Variants in SEC63 observed in about 807,000 individuals in gnomAD.
SEC63 encodes translocation protein SEC63 homolog.
In SEC63, 56 loss-of-function variants were observed where a neutral mutation model predicts 116.2. That is an observed-to-expected ratio of 0.48 (90% CI 0.39 to 0.60). The LOEUF (loss-of-function observed/expected upper bound fraction) is 0.60. Among genes scored for constraint, SEC63 ranks in the 20% least tolerant of loss-of-function variants. The pLI is 0.00. For synonymous variants in SEC63, 273 were observed against 294.6 expected, an observed-to-expected ratio of 0.93 and a Z score of 0.75; for missense variants, 668 against 900.0, an observed-to-expected ratio of 0.74 and a Z score of 3.30.
chr6:107,934,249 C>T lies in SEC63; in HGVS notation c.125-4735G>A, dbSNP rs576950459. On this transcript the variant is annotated intron_variant, in intron 1 of 20. Transcript: ENST00000369002. Reference sequence around the variant, plus strand: ...CTGGAAAGTGAGGAGCGCCTCTTCCCAGCCGCCATCCCGTCTAGGAAGTGA... The same window carrying T: ...CTGGAAAGTGAGGAGCGCCTCTTCCTAGCCGCCATCCCGTCTAGGAAGTGA... Among the ~76,000 whole-genome samples the T allele has an allele frequency of 1.5e-3, 234 of 151,646 alleles. 1 individual carries two copies. Among genetic ancestry groups the T allele is most frequent in the African/African-American group, 5.5e-3 (227 of 41,332 alleles).
At chr6:107,890,076 T>G (rs761034176) in intron 16 of SEC63, among the ~76,000 whole-genome samples, 1 of 152,026 alleles carries the variant, frequency 6.6e-6, no homozygotes, top group Non-Finnish European at 1.5e-5. Flanking sequence ...GGCTGGAGAG[T>G]TCTGTAGATG....
intron 1 of SEC63, among the ~76,000 whole-genome samples, chr6:107,934,523 G>A (rs112163964): frequency 0.031 from 3,741 of 119,880 alleles, 477 homozygotes; most frequent in African/African-American, 0.15. Context: ...CCCGGCAGCC[G>A]CCCCGTCTGA....
intron 18 of SEC63, chr6:107,877,285 G>T (rs1020922809): frequency 6.6e-6 from 1 of 152,006 alleles, no homozygotes; most frequent in African/African-American, 2.4e-5. Flanking sequence ...ACAGTTTAAA[G>T]AAAAATGTTT....
chr6:107,932,799 T>C (rs966775753), intron 1 of SEC63, among the ~76,000 whole-genome samples: 5 of 152,294 alleles, frequency 3.3e-5, no homozygotes, highest in East Asian at 3.9e-4. Flanking sequence ...ACATCTAGCA[T>C]GCAGATCTTG....
chr6:107,894,741 A>G (rs1049456599), intron 14 of SEC63, among the ~76,000 whole-genome samples: 3 of 152,028 alleles, frequency 2.0e-5, no homozygotes, highest in Non-Finnish European at 4.4e-5. Flanking sequence ...CTAATTCAGG[A>G]GTCAACTCTG....
intron 16 of SEC63, 148 bp from the exon 17 acceptor site, chr6:107,883,294 A>G: frequency 2.3e-6 from 2 of 881,460 alleles, no homozygotes; most frequent in East Asian, 5.4e-5. Context: ...AATTATAAAC[A>G]TTCCTACTTA....
chr6:107,958,168 A>C lies in SEC63; in HGVS notation c.-159T>G, dbSNP rs1478450554. The C allele has an allele frequency of 1.8e-6, 2 of 1,133,898 alleles. No homozygotes were observed. Among genetic ancestry groups the C allele is most frequent in the East Asian group, 2.6e-5 (1 of 38,324 alleles). The allele number at this position is 1,133,898 out of a possible 1,614,324, so 70.2% of individuals were successfully genotyped here. On this transcript the variant is annotated 5_prime_UTR_variant, in exon 1 of 21. Coordinates refer to ENST00000369002, the MANE Select transcript of SEC63 (RefSeq NM_007214.5). ...CCACTCTCACGGACACGCCGCCGCC[A>C]CCTCTGCCGCTGCCGCCGCCGTCGC...
intron 16 of SEC63, among the ~76,000 whole-genome samples, chr6:107,885,755 C>G (rs1041233929): frequency 3.3e-5 from 5 of 152,174 alleles, no homozygotes; most frequent in Non-Finnish European, 5.9e-5. Flanking sequence ...TAAGACTTAA[C>G]ATAAAGCTAC....
intron 7 of SEC63, among the ~76,000 whole-genome samples, chr6:107,910,600 ACAC>A (rs1354018512): frequency 6.6e-6 from 1 of 152,036 alleles, no homozygotes; most frequent in Non-Finnish European, 1.5e-5. Flanking sequence ...TGTCATACAC[ACAC>A]GTGTCATACA....
At position 107,942,498 on chromosome 6, in the gene SEC63, C is replaced by T. The variant is rs111732541; in HGVS notation, c.125-12984G>A. Among the ~76,000 whole-genome samples, 585 of 152,196 alleles carry T rather than the reference C, an allele frequency of 3.8e-3. 4 individuals are homozygous for T. Among genetic ancestry groups the T allele is most frequent in the African/African-American group, 0.013 (546 of 41,504 alleles). On this transcript the variant is annotated intron_variant, in intron 1 of 20. Transcript: ENST00000369002. The stretch of plus-strand genomic sequence containing the variant: ...ATTTGGTGAATATCCACTACGTACC[C>T]GGACTTTTCTGGACACTGAGGATAT...
At chr6:107,916,205 T>G (rs542534319) in intron 4 of SEC63, among the ~76,000 whole-genome samples, 1 of 152,354 alleles carries the variant, frequency 6.6e-6, no homozygotes, top group Admixed American at 6.5e-5. Context: ...GAAATGTCTT[T>G]TTAAATTACC....
intron 8 of SEC63, among the ~76,000 whole-genome samples, chr6:107,907,210 T>C (rs927680339): frequency 3.3e-5 from 5 of 152,216 alleles, no homozygotes; most frequent in African/African-American, 1.2e-4. Context: ...GTAAACCTAA[T>C]ATGCATTATA....
intron 1 of SEC63, among the ~76,000 whole-genome samples, chr6:107,952,515 T>C (rs1055431192): frequency 6.6e-6 from 1 of 152,218 alleles, no homozygotes; most frequent in Non-Finnish European, 1.5e-5. Context: ...CCCAGCACTT[T>C]GGGAGGCCGA....
chr6:107,912,598 A>AT, intron 6 of SEC63, 118 bp downstream of exon 6: 1 of 715,382 alleles, frequency 1.4e-6, no homozygotes, highest in South Asian at 1.5e-5. Context: ...TGAATGAATG[A>AT]ATGAATGGCA....
In SEC63 at chr6:107,893,584, A is replaced by C; in HGVS notation, c.1572T>G (p.Ala524=). Reference sequence around the variant, plus strand: ...TTAAAGGTTTCTTTTTTTTTGATTTAGCAGTTTTCTTGGGTCCTTTACTCT... The same window carrying C: ...TTAAAGGTTTCTTTTTTTTTGATTTCGCAGTTTTCTTGGGTCCTTTACTCT... ...QQKSKGPKKT[A]KSKKKKPLKK... Residue 524 remains alanine (A), a synonymous_variant, in exon 16 of 21, where the codon GCT becomes GCG. Transcript: ENST00000369002. 5 of 1,596,168 alleles carry C rather than the reference A, an allele frequency of 3.1e-6. No homozygotes were observed. Among genetic ancestry groups the C allele is most frequent in the Non-Finnish European group, 4.3e-6 (5 of 1,175,278 alleles).
chr6:107,935,842 T>C (rs1770235347), intron 1 of SEC63, among the ~76,000 whole-genome samples: 1 of 152,188 alleles, frequency 6.6e-6, no homozygotes, highest in Admixed American at 6.5e-5. Flanking sequence ...TTAAATGTTA[T>C]GTGATTCTAA....
chr6:107,894,785 T>TA (rs78187231), intron 14 of SEC63, among the ~76,000 whole-genome samples: 4,209 of 150,722 alleles, frequency 0.028, 88 homozygotes, highest in Non-Finnish European at 0.04. Context: ...TTTTTTTTTT[T>TA]AAAGACAGTG....
rs1417968937 is a variant in SEC63, at chr6:107,958,056, C to G, written c.-47G>C. On this transcript the variant is annotated 5_prime_UTR_variant, in exon 1 of 21. Transcript: ENST00000369002. The stretch of plus-strand genomic sequence containing the variant: ...CTCTTCTCACCGCCGCCGCCACGAC[C>G]ACGCTCTGCACTCCCGCTCCCAACG... 1 of 1,601,702 alleles carries G rather than the reference C, an allele frequency of 6.2e-7. No homozygotes were observed. The highest frequency in any genetic ancestry group is 1.1e-5 in the South Asian group (1 of 90,500).
At position 107,953,305 on chromosome 6, in the gene SEC63, G is replaced by A. The variant is rs564936002; in HGVS notation, c.124+4581C>T. 1.2e-4 allele frequency among the ~76,000 whole-genome samples: 19 copies of A among 152,368 alleles called. No homozygotes were observed. The South Asian group carries it at 3.5e-3, about 28-fold the overall frequency. The stretch of plus-strand genomic sequence containing the variant: ...TATGCTGTTGTGTTTCCCCAAAACT[G>A]TACTACGGGGGTCCTCATCTTTTAC... On this transcript the variant is annotated intron_variant, in intron 1 of 20. Coordinates refer to ENST00000369002, the MANE Select transcript of SEC63 (RefSeq NM_007214.5).
Sources: allele counts gnomAD v4.1 joint callset (sites outside exome capture counted in the v4.1 genomes callset), GRCh38; gene constraint gnomAD v4.1.1; transcripts MANE v1.5; gene names NCBI Gene and HGNC (gene_info 2026-07-23, HGNC 2026-07-21).